RUFY1: variants seen among roughly 807,000 people sequenced by gnomAD.
RUFY1 encodes the protein RUN and FYVE domain containing 1.
In RUFY1, 54 loss-of-function variants were observed where a neutral mutation model predicts 94.6. The observed-to-expected ratio is 0.57, with a 90% confidence interval of 0.46 to 0.72. The LOEUF (loss-of-function observed/expected upper bound fraction) is 0.72, where lower values mean the gene tolerates loss of function less well. RUFY1 is among the 30% of genes least tolerant of loss of function. The pLI, the probability that RUFY1 is intolerant of heterozygous loss-of-function variation, is 0.00. For synonymous variants in RUFY1, 396 were observed against 347.3 expected, an observed-to-expected ratio of 1.14 and a Z score of -1.56; for missense variants, 883 against 883.9, an observed-to-expected ratio of 1.00 and a Z score of 0.01.
intron 8 of RUFY1, among the ~76,000 whole-genome samples, chr5:179,587,007 C>T (rs977351807): frequency 2.6e-5 from 4 of 152,222 alleles, no homozygotes; most frequent in African/African-American, 9.6e-5. Flanking sequence ...AGATGGCGTG[C>T]TTTGATGAAG....
rs530564536 is a variant in RUFY1, at chr5:179,588,851, C to T, written c.1027-695C>T. On this transcript the variant is annotated intron_variant, in intron 8 of 17. Transcript: ENST00000319449. The stretch of plus-strand genomic sequence containing the variant: ...GCTCAAGCCATCCTCCCACCTCAGC[C>T]TCCTAAGTAGCTGGAATTACAGGCA... 4.6e-5 allele frequency among the ~76,000 whole-genome samples: 7 copies of T among 152,330 alleles called. No individual in the cohort carries two copies. The South Asian group carries it at 8.3e-4, about 18-fold the overall frequency.
intron 3 of RUFY1, among the ~76,000 whole-genome samples, chr5:179,563,401 G>C (rs1009238452): frequency 6.6e-6 from 1 of 152,180 alleles, no homozygotes; most frequent in Non-Finnish European, 1.5e-5. Flanking sequence ...TAGGATAGCT[G>C]TTAGTGTCCT....
intron 14 of RUFY1, 74 bp downstream of exon 14, chr5:179,598,895 C>T: frequency 1.3e-6 from 2 of 1,559,764 alleles, no homozygotes; most frequent in African/African-American, 1.4e-5. Flanking sequence ...CGGGCAGGCT[C>T]CTCTCCCCGC....
At position 179,609,383 on chromosome 5, in the gene RUFY1, G is replaced by T; in HGVS notation, c.1991G>T (p.Cys664Phe). The change falls in exon 18 of 18, where the codon TGC (cysteine) becomes TTC (phenylalanine). Residue 664 changes from cysteine to phenylalanine, a missense_variant. Coordinates refer to ENST00000319449, the MANE Select transcript of RUFY1 (RefSeq NM_025158.5). ...EFSISRRKHHCRNCGHIFCNT... is the reference protein window; with the variant it reads ...EFSISRRKHHFRNCGHIFCNT... ...CTTCTTCCCGTCCTGTAGCACCACTGCCGGAACTGTGGCCACATCTTCTGC... is the reference window on the plus strand; with the variant it reads ...CTTCTTCCCGTCCTGTAGCACCACTTCCGGAACTGTGGCCACATCTTCTGC... The T allele has an allele frequency of 6.2e-7, 1 of 1,613,290 alleles. No individual in the cohort carries two copies. The highest frequency in any genetic ancestry group is 1.1e-5 in the South Asian group (1 of 91,022).
chr5:179,605,423 G>C (rs1177536528), intron 15 of RUFY1, among the ~76,000 whole-genome samples: 1 of 152,214 alleles, frequency 6.6e-6, no homozygotes, highest in East Asian at 1.9e-4. Context: ...AACAAGAATG[G>C]AGCAAGAACA....
In RUFY1 at chr5:179,609,869, C is replaced by G. The variant is rs1162037704; in HGVS notation, c.*350C>G. On this transcript the variant is annotated 3_prime_UTR_variant, in exon 18 of 18. Coordinates refer to ENST00000319449, the MANE Select transcript of RUFY1 (RefSeq NM_025158.5). ...GTGAGTAGTTTTCCTCTCCTACCTT[C>G]CTTCTAAAAACCTGATTCATGCACA... is the stretch of plus-strand genomic sequence containing the variant. 2.1e-5 allele frequency: 4 copies of G among 190,628 alleles called. No individual in the cohort carries two copies. The highest frequency in any genetic ancestry group is 9.4e-5 in the African/African-American group (4 of 42,748). The allele number at this position is 190,628 out of a possible 1,614,324, so 11.8% of individuals were successfully genotyped here.
chr5:179,608,246 TTTCTGCCACAGCCATG>T, intron 17 of RUFY1: 1 of 983,190 alleles, frequency 1.0e-6, no homozygotes, highest in African/African-American at 1.7e-5. Context: ...GCCACCCACC[TTTCTGCCACAGCCATG>T]TTCTGTCTGT....
chr5:179,555,090 G>A (rs67760891), intron 1 of RUFY1, among the ~76,000 whole-genome samples: 10,727 of 152,138 alleles, frequency 0.071, 424 homozygotes, highest in South Asian at 0.12. Context: ...CTGTTTTCAC[G>A]CAAGCAATAG....
intron 15 of RUFY1, 125 bp from the exon 16 acceptor site, chr5:179,605,751 T>C: frequency 1.4e-6 from 1 of 736,234 alleles, no homozygotes; most frequent in Non-Finnish European, 2.4e-6. Context: ...TTTTAACAAC[T>C]CACGTTCTGG....
intron 2 of RUFY1, 78 bp from the exon 3 acceptor site, chr5:179,562,469 T>C (rs1762526030): frequency 1.3e-6 from 1 of 788,536 alleles, no homozygotes; most frequent in Non-Finnish European, 2.2e-6. Flanking sequence ...CACTTGGCTT[T>C]TGTGGGGAGA....
intron 8 of RUFY1, 50 bp from the exon 9 acceptor site, chr5:179,589,493 GAAC>G (rs1764863781): frequency 8.8e-7 from 1 of 1,136,166 alleles, no homozygotes; most frequent in Non-Finnish European, 1.3e-6. Context: ...TTTTTAATTT[GAAC>G]AATAAGATTA....
intron 15 of RUFY1, among the ~76,000 whole-genome samples, chr5:179,603,957 T>A: frequency 6.6e-6 from 1 of 152,196 alleles, no homozygotes; most frequent in Non-Finnish European, 1.5e-5. Context: ...CTCAGGAGGC[T>A]GAGGCAGGAG....
chr5:179,585,401 AC>A (rs1764522907), intron 7 of RUFY1, among the ~76,000 whole-genome samples: 1 of 152,110 alleles, frequency 6.6e-6, no homozygotes, highest in Admixed American at 6.6e-5. Context: ...ACATGGTGAA[AC>A]CCTGTCTCTA....
At chr5:179,556,666 A>G (rs992284690) in intron 1 of RUFY1, among the ~76,000 whole-genome samples, 3 of 152,024 alleles carry the variant, frequency 2.0e-5, no homozygotes, top group African/African-American at 4.8e-5. Flanking sequence ...ACGCCCAGCT[A>G]AGTTTTGTAT....
rs866426867 is a variant in RUFY1, at chr5:179,577,613, G to A, written c.890+477G>A. On this transcript the variant is annotated intron_variant, in intron 6 of 17. Transcript: ENST00000319449. ...GGGGAGGGCGGGGGTGGGGAGTTTCGGCCGAAAGAGCAAATCCGGGGCTGG... is the reference window on the plus strand; with the variant it reads ...GGGGAGGGCGGGGGTGGGGAGTTTCAGCCGAAAGAGCAAATCCGGGGCTGG... 1.7e-3 allele frequency among the ~76,000 whole-genome samples: 213 copies of A among 125,700 alleles called. 1 individual carries two copies. The highest frequency in any genetic ancestry group is 5.8e-3 in the African/African-American group (189 of 32,612). 82.5% of individuals were successfully genotyped at this position (125,700 alleles called of 152,430 possible).
chr5:179,602,149 G>T, intron 15 of RUFY1, 163 bp downstream of exon 15: 1 of 619,190 alleles, frequency 1.6e-6, no homozygotes, highest in Non-Finnish European at 2.9e-6. Flanking sequence ...GCCTCAGAGG[G>T]GCCCAGCACT....
chr5:179,583,972 T>G (rs1002313199), intron 7 of RUFY1, among the ~76,000 whole-genome samples: 12 of 151,718 alleles, frequency 7.9e-5, no homozygotes, highest in Non-Finnish European at 1.3e-4. Context: ...ATGGTCTCGA[T>G]CTCCTGACGT....
At chr5:179,589,809 C>T (rs1764893727) in intron 9 of RUFY1, among the ~76,000 whole-genome samples, 162 bp downstream of exon 9, 1 of 152,230 alleles carries the variant, frequency 6.6e-6, no homozygotes, top group Non-Finnish European at 1.5e-5. Flanking sequence ...ACATCACTCT[C>T]AGACCACCTG....
chr5:179,552,165 A>AAT, intron 1 of RUFY1, among the ~76,000 whole-genome samples: 1 of 7,662 alleles, frequency 1.3e-4, no homozygotes, highest in East Asian at 3.8e-3. Flanking sequence ...ACTCTGTCTC[A>AAT]AAAAAAAAAA....
Sources: gnomAD v4.1 joint callset for allele counts (sites outside exome capture counted in the v4.1 genomes callset) on GRCh38, gnomAD v4.1.1 for gene constraint, MANE v1.5 for transcripts, NCBI Gene and HGNC (gene_info 2026-07-23, HGNC 2026-07-21) for gene names.